CDH4: variants seen among roughly 807,000 people sequenced by gnomAD.
CDH4 encodes the protein cadherin 4.
In CDH4, 33 loss-of-function variants were observed where a neutral mutation model predicts 86.0. The observed-to-expected ratio is 0.38, with a 90% CI of 0.29 to 0.51. The LOEUF is 0.51. Among genes scored for constraint, CDH4 ranks in the 20% least tolerant of loss-of-function variants. The pLI is 0.86. For missense variants in CDH4, 1,114 were observed against 1,307.4 expected (o/e 0.85, Z 2.28); for synonymous variants, 555 against 549.4 (o/e 1.01, Z -0.14).
At chr20:61,921,526 C>T (rs951907908) in intron 9 of CDH4, among the ~76,000 whole-genome samples, 13 of 152,264 alleles carry the variant, frequency 8.5e-5, no homozygotes, top group Admixed American at 2.6e-4. Flanking sequence ...CCGAGGCAGG[C>T]GGATCACCTG....
At chr20:61,316,571 G>A (rs536134169) in intron 2 of CDH4, among the ~76,000 whole-genome samples, 6 of 152,326 alleles carry the variant, frequency 3.9e-5, no homozygotes, top group African/African-American at 1.4e-4. Context: ...AGCAGGGATC[G>A]CTTTGCTTGT....
intron 6 of CDH4, among the ~76,000 whole-genome samples, chr20:61,857,829 C>T (rs1381601714): frequency 2.0e-5 from 3 of 152,210 alleles, no homozygotes; most frequent in Non-Finnish European, 4.4e-5. Flanking sequence ...ACCTTCGTAC[C>T]GGCCACAGCC....
intron 2 of CDH4, among the ~76,000 whole-genome samples, chr20:61,616,680 A>G (rs1440640915): frequency 1.3e-5 from 2 of 152,192 alleles, no homozygotes; most frequent in Non-Finnish European, 2.9e-5. Context: ...TGCTGTCATC[A>G]TGGCCACCAC....
At chr20:61,919,575 T>C (rs2122956085) in intron 9 of CDH4, among the ~76,000 whole-genome samples, 1 of 152,386 alleles carries the variant, frequency 6.6e-6, no homozygotes, top group East Asian at 1.9e-4. Flanking sequence ...TGGCGGGACA[T>C]GGTGCCCTCA....
At chr20:61,897,417 GACCAGCACTGATCAGCC>G (rs1280556384) in intron 8 of CDH4, among the ~76,000 whole-genome samples, 2 of 151,854 alleles carry the variant, frequency 1.3e-5, no homozygotes, top group African/African-American at 4.8e-5. Context: ...CATAAGCACT[GACCAGCACTGATCAGCC>G]ACCAGCGCTG....
intron 2 of CDH4, among the ~76,000 whole-genome samples, chr20:61,438,242 T>A (rs1391637808): frequency 1.3e-5 from 2 of 152,258 alleles, no homozygotes; most frequent in African/African-American, 2.4e-5. Context: ...TATTGTTTTT[T>A]AAAAAAAATT....
chr20:61,595,077 T>C (rs993653681), intron 2 of CDH4, among the ~76,000 whole-genome samples: 5 of 152,224 alleles, frequency 3.3e-5, no homozygotes, highest in Non-Finnish European at 7.3e-5. Flanking sequence ...GTTGGTCACA[T>C]GTCAGGTCAC....
At chr20:61,819,028 G>A (rs576641495) in intron 4 of CDH4, among the ~76,000 whole-genome samples, 22 of 152,332 alleles carry the variant, frequency 1.4e-4, no homozygotes, top group East Asian at 3.9e-4. Context: ...TGGGCAGCAC[G>A]GCAGGAGCCA....
chr20:61,277,298 A>C (rs2427022), intron 2 of CDH4, among the ~76,000 whole-genome samples: 147,087 of 152,328 alleles, frequency 0.97, 71,195 homozygotes, highest in East Asian at 1. Flanking sequence ...AGTTTTATTA[A>C]AGTGTATAAT....
intron 2 of CDH4, among the ~76,000 whole-genome samples, chr20:61,561,805 G>A (rs1350888191): frequency 2.0e-5 from 3 of 152,226 alleles, no homozygotes; most frequent in African/African-American, 7.2e-5. Flanking sequence ...TAGGAACATG[G>A]ACAAGAAGAG....
At chr20:61,551,074 GCAGGTAA>G (rs2086125895) in intron 2 of CDH4, among the ~76,000 whole-genome samples, 1 of 152,220 alleles carries the variant, frequency 6.6e-6, no homozygotes, top group Non-Finnish European at 1.5e-5. Flanking sequence ...AATACAAAAT[GCAGGTAA>G]CGGGCATTCC....
intron 2 of CDH4, among the ~76,000 whole-genome samples, chr20:61,654,317 C>T (rs1033707949): frequency 1.3e-5 from 2 of 152,174 alleles, no homozygotes; most frequent in South Asian, 2.1e-4. Flanking sequence ...CGCAAGCACT[C>T]GGCAGGCTGA....
chr20:61,696,124 A>T (rs1345388297), intron 2 of CDH4, among the ~76,000 whole-genome samples: 1 of 152,214 alleles, frequency 6.6e-6, no homozygotes, highest in East Asian at 1.9e-4. Context: ...TCTAAAGAGG[A>T]AGGGGCCATG....
intron 2 of CDH4, among the ~76,000 whole-genome samples, chr20:61,591,980 C>T (rs1363645058): frequency 1.3e-5 from 2 of 152,174 alleles, no homozygotes; most frequent in Non-Finnish European, 2.9e-5. Flanking sequence ...CAACTGTTTG[C>T]CTCAAAGCAA....
chr20:61,794,996 C>T (rs1600995722), intron 4 of CDH4, among the ~76,000 whole-genome samples: 1 of 150,340 alleles, frequency 6.7e-6, no homozygotes, highest in East Asian at 2.0e-4. Context: ...CAGAGTGTTC[C>T]TCCACTGGGA....
intron 2 of CDH4, among the ~76,000 whole-genome samples, chr20:61,422,617 G>A (rs2085186506): frequency 6.6e-6 from 1 of 152,112 alleles, no homozygotes. Flanking sequence ...TGAGCACAGA[G>A]TTCAGAGCGC....
chr20:61,637,424 G>A (rs1245203535), intron 2 of CDH4, among the ~76,000 whole-genome samples: 1 of 152,180 alleles, frequency 6.6e-6, no homozygotes, highest in African/African-American at 2.4e-5. Flanking sequence ...ACATCCCAGT[G>A]TGAACGTTGG....
At chr20:61,515,057 C>T (rs2085808720) in intron 2 of CDH4, among the ~76,000 whole-genome samples, 1 of 152,256 alleles carries the variant, frequency 6.6e-6, no homozygotes, top group Non-Finnish European at 1.5e-5. Flanking sequence ...GTGCCAGGCA[C>T]AGAGCCTGTC....
At chr20:61,741,596 A>G (rs1483215618) in intron 2 of CDH4, among the ~76,000 whole-genome samples, 3 of 151,530 alleles carry the variant, frequency 2.0e-5, no homozygotes, top group African/African-American at 7.3e-5. Context: ...GGTTCACGCC[A>G]TTCTTCTGCC....
Sources: allele counts gnomAD v4.1 joint callset (sites outside exome capture counted in the v4.1 genomes callset), GRCh38; gene constraint gnomAD v4.1.1; transcripts MANE v1.5; gene names NCBI Gene and HGNC (gene_info 2026-07-23, HGNC 2026-07-21).